PRKD1: variants seen among roughly 807,000 people sequenced by gnomAD.
PRKD1 encodes the protein protein kinase D1.
A neutral mutation model predicts 95.9 loss-of-function variants in PRKD1; 63 were observed. The ratio of observed to expected loss-of-function variants is 0.66; its 90% CI spans 0.54 to 0.81. PRKD1 has a LOEUF of 0.81. Ranked by LOEUF, PRKD1 falls within the 30% of genes least tolerant of loss-of-function variation. The pLI is 0.00. For synonymous variants in PRKD1, 425 were observed against 423.1 expected (o/e 1.00, Z -0.05); for missense variants, 1,048 against 1,165.3 (o/e 0.90, Z 1.47).
intron 2 of PRKD1, among the ~76,000 whole-genome samples, chr14:29,672,631 C>T (rs1882928960): frequency 6.6e-6 from 1 of 152,024 alleles, no homozygotes; most frequent in Non-Finnish European, 1.5e-5. Flanking sequence ...CATGTAGGCA[C>T]TACTGGTTGA....
chr14:29,694,279 C>A (rs886663037), intron 2 of PRKD1, among the ~76,000 whole-genome samples: 1 of 152,204 alleles, frequency 6.6e-6, no homozygotes, highest in Non-Finnish European at 1.5e-5. Flanking sequence ...GTAGACATAT[C>A]ACACTGTTAG....
chr14:29,764,320 C>T (rs2139123693), intron 1 of PRKD1, among the ~76,000 whole-genome samples: 1 of 151,876 alleles, frequency 6.6e-6, no homozygotes. Context: ...AAATAAATAC[C>T]TTTAAATCAT....
intron 13 of PRKD1, among the ~76,000 whole-genome samples, chr14:29,620,943 T>C (rs1281191897): frequency 3.3e-5 from 5 of 151,960 alleles, no homozygotes; most frequent in Middle Eastern, 6.8e-3. Context: ...CCAACAATGA[T>C]AGACTGGATT....
chr14:29,841,390 G>A (rs927559111), intron 1 of PRKD1, among the ~76,000 whole-genome samples: 3 of 152,132 alleles, frequency 2.0e-5, no homozygotes, highest in African/African-American at 4.8e-5. Flanking sequence ...CACCCAAATC[G>A]TATCCTGAGT....
chr14:29,727,281 T>G (rs1253700877), intron 1 of PRKD1, among the ~76,000 whole-genome samples: 3 of 152,282 alleles, frequency 2.0e-5, no homozygotes, highest in East Asian at 1.9e-4. Flanking sequence ...GTTCATTGTA[T>G]ATTCCGGATA....
intron 14 of PRKD1, among the ~76,000 whole-genome samples, chr14:29,599,329 A>G (rs1300084663): frequency 6.6e-6 from 1 of 152,214 alleles, no homozygotes; most frequent in Non-Finnish European, 1.5e-5. Flanking sequence ...ACAGCGGCCA[A>G]GACAGATGTA....
chr14:29,820,504 G>A (rs1890870844), intron 1 of PRKD1, among the ~76,000 whole-genome samples: 1 of 152,180 alleles, frequency 6.6e-6, no homozygotes, highest in Non-Finnish European at 1.5e-5. Context: ...ATGAGTACGT[G>A]CTCTCCTAGC....
chr14:29,882,484 C>T (rs1364586458), intron 1 of PRKD1, among the ~76,000 whole-genome samples: 1 of 152,098 alleles, frequency 6.6e-6, no homozygotes, highest in Non-Finnish European at 1.5e-5. Flanking sequence ...TGTTTTTCTC[C>T]AGTTTATTTA....
At chr14:29,838,082 C>T (rs1402841643) in intron 1 of PRKD1, among the ~76,000 whole-genome samples, 1 of 152,122 alleles carries the variant, frequency 6.6e-6, no homozygotes, top group Admixed American at 6.6e-5. Context: ...TACTAATTTT[C>T]ACAGGAGAAG....
At chr14:29,787,501 G>A (rs1417850906) in intron 1 of PRKD1, among the ~76,000 whole-genome samples, 1 of 151,910 alleles carries the variant, frequency 6.6e-6, no homozygotes, top group African/African-American at 2.4e-5. Flanking sequence ...CTATATATCT[G>A]GATTCTCCAG....
chr14:29,740,355 A>G (rs939276096), intron 1 of PRKD1, among the ~76,000 whole-genome samples: 2 of 152,228 alleles, frequency 1.3e-5, no homozygotes, highest in Non-Finnish European at 2.9e-5. Flanking sequence ...CAACTAAAAA[A>G]GTTTAACCAA....
At chr14:29,765,853 G>GT in intron 1 of PRKD1, among the ~76,000 whole-genome samples, 1 of 152,240 alleles carries the variant, frequency 6.6e-6, no homozygotes, top group Admixed American at 6.5e-5. Context: ...CATATAGGTG[G>GT]TAACATTTTT....
intron 1 of PRKD1, among the ~76,000 whole-genome samples, chr14:29,814,768 T>G (rs1422256396): frequency 6.6e-6 from 1 of 152,242 alleles, no homozygotes; most frequent in Non-Finnish European, 1.5e-5. Flanking sequence ...ACCTTGAATC[T>G]GTTCTCTTCT....
intron 3 of PRKD1, 111 bp from the exon 4 acceptor site, chr14:29,663,970 G>A: frequency 1.8e-6 from 2 of 1,109,608 alleles, no homozygotes; most frequent in Non-Finnish European, 2.5e-6. Context: ...TTTTCCTTGA[G>A]AGTATTTGGA....
At chr14:29,853,062 T>C (rs989336031) in intron 1 of PRKD1, among the ~76,000 whole-genome samples, 1 of 152,026 alleles carries the variant, frequency 6.6e-6, no homozygotes, top group Non-Finnish European at 1.5e-5. Flanking sequence ...ATATAAATCA[T>C]AACCAAAAAA....
At chr14:29,784,273 C>CAT (rs1889173392) in intron 1 of PRKD1, among the ~76,000 whole-genome samples, 2 of 151,916 alleles carry the variant, frequency 1.3e-5, no homozygotes. Flanking sequence ...ACCAAGATAC[C>CAT]ATACTGTTTT....
intron 1 of PRKD1, among the ~76,000 whole-genome samples, chr14:29,867,460 CTG>C (rs1160315455): frequency 1.3e-5 from 2 of 152,178 alleles, no homozygotes; most frequent in African/African-American, 4.8e-5. Context: ...CTGGCCTCAT[CTG>C]TGCACAGAAA....
At chr14:29,758,126 C>T (rs1406386483) in intron 1 of PRKD1, among the ~76,000 whole-genome samples, 2 of 151,104 alleles carry the variant, frequency 1.3e-5, no homozygotes, top group Non-Finnish European at 2.9e-5. Context: ...TTATAGTTTC[C>T]TAACGGAGTA....
At chr14:29,889,746 G>C (rs1566656774) in intron 1 of PRKD1, among the ~76,000 whole-genome samples, 2 of 152,274 alleles carry the variant, frequency 1.3e-5, no homozygotes, top group South Asian at 2.1e-4. Context: ...CCGGATGTGT[G>C]GACAAGGAGA....
Sources: allele counts gnomAD v4.1 joint callset (sites outside exome capture counted in the v4.1 genomes callset), GRCh38; gene constraint gnomAD v4.1.1; transcripts MANE v1.5; gene names NCBI Gene and HGNC (gene_info 2026-07-23, HGNC 2026-07-21).